The following SIM2 variants were observed in gnomAD, a reference collection of about 807,000 sequenced individuals.
SIM2 encodes the protein SIM bHLH transcription factor 2, also known as single-minded homolog 2.
In SIM2, 28 loss-of-function variants were observed where a neutral mutation model predicts 64.8. That is an observed-to-expected ratio of 0.43 (90% CI 0.32 to 0.59). The LOEUF is 0.59. Among genes scored for constraint, SIM2 ranks in the 20% least tolerant of loss-of-function variants. The pLI, the probability that SIM2 is intolerant of heterozygous loss-of-function variation, is 0.07. For synonymous variants in SIM2, 408 were observed against 391.1 expected (o/e 1.04, Z -0.51); for missense variants, 847 against 871.4 (o/e 0.97, Z 0.35).
At chr21:36,704,500 G>A (rs1246488599) in intron 1 of SIM2, among the ~76,000 whole-genome samples, 2 of 152,250 alleles carry the variant, frequency 1.3e-5, no homozygotes, top group Non-Finnish European at 2.9e-5. Flanking sequence ...AGTGGTAAAG[G>A]GGACACCCGG....
At chr21:36,708,226 C>T (rs940737341) in intron 1 of SIM2, among the ~76,000 whole-genome samples, 3 of 152,192 alleles carry the variant, frequency 2.0e-5, no homozygotes, top group Non-Finnish European at 1.5e-5. Context: ...TGTCCCAGCC[C>T]GCGCTAAGCG....
Position 36,743,495 on chromosome 21 carries a change from A to G in SIM2, c.1107A>G (p.Leu369=). 1 of 1,614,134 alleles carries G rather than the reference A, an allele frequency of 6.2e-7. No homozygotes were observed. The highest frequency in any genetic ancestry group is 1.3e-5 in the African/African-American group (1 of 75,066). ...ALSTSQETRK[L]VKPKNTKMKT... Reference sequence around the variant, plus strand: ...CTACCTCACAAGAAACTAGGAAATTAGTGAAACCCAAAAATACCAAGATGA... The same window carrying G: ...CTACCTCACAAGAAACTAGGAAATTGGTGAAACCCAAAAATACCAAGATGA... The change falls in exon 9 of 11, where the codon TTA becomes TTG. Residue 369 remains leucine (L), a synonymous_variant. Transcript: ENST00000290399.
intron 7 of SIM2, among the ~76,000 whole-genome samples, chr21:36,737,614 T>C (rs1055465802): frequency 1.3e-5 from 2 of 152,200 alleles, no homozygotes; most frequent in Non-Finnish European, 2.9e-5. Flanking sequence ...GTTGAGAATT[T>C]CACCCGGCTC....
At chr21:36,735,690 T>C (rs1052663673) in intron 7 of SIM2, among the ~76,000 whole-genome samples, 20 of 152,326 alleles carry the variant, frequency 1.3e-4, no homozygotes, top group African/African-American at 4.8e-4. Flanking sequence ...GATGGGGACT[T>C]GGGGACTGTC....
chr21:36,716,604 A>G (rs2088749892), intron 3 of SIM2, among the ~76,000 whole-genome samples: 2 of 152,194 alleles, frequency 1.3e-5, no homozygotes, highest in African/African-American at 4.8e-5. Flanking sequence ...AAAACACCCC[A>G]GAGTAACGTG....
At chr21:36,716,167 T>A (rs1018695863) in intron 3 of SIM2, among the ~76,000 whole-genome samples, 1 of 152,256 alleles carries the variant, frequency 6.6e-6, no homozygotes, top group East Asian at 1.9e-4. Flanking sequence ...CATGCGTGTT[T>A]ACTAAATGAT....
At chr21:36,724,511 T>C (rs1029574142) in intron 5 of SIM2, among the ~76,000 whole-genome samples, 21 of 152,210 alleles carry the variant, frequency 1.4e-4, no homozygotes, top group African/African-American at 4.8e-4. Context: ...GTCCCTAGCC[T>C]CAGTCAATCC....
intron 3 of SIM2, among the ~76,000 whole-genome samples, chr21:36,716,452 T>C (rs2088748019): frequency 6.6e-6 from 1 of 152,200 alleles, no homozygotes; most frequent in African/African-American, 2.4e-5. Context: ...AACATATCGA[T>C]GATGTTGTTT....
At chr21:36,724,435 C>T (rs1424778308) in intron 5 of SIM2, among the ~76,000 whole-genome samples, 1 of 152,252 alleles carries the variant, frequency 6.6e-6, no homozygotes, top group Non-Finnish European at 1.5e-5. Flanking sequence ...CACGCCACCA[C>T]ACCCAGCTAA....
chr21:36,740,030 A>AG (rs1491328937), intron 7 of SIM2, among the ~76,000 whole-genome samples: 1 of 136,490 alleles, frequency 7.3e-6, no homozygotes, highest in African/African-American at 2.6e-5. Context: ...AAAGAAAGAA[A>AG]GAAAGAAAGA....
chr21:36,743,664 C>T, intron 9 of SIM2, 109 bp downstream of exon 9: 1 of 1,109,052 alleles, frequency 9.0e-7, no homozygotes, highest in Non-Finnish European at 1.3e-6. Flanking sequence ...CAGGGATCTC[C>T]CTGCCGTGGA....
chr21:36,701,177 G>A (rs1405224821), intron 1 of SIM2: 1 of 152,630 alleles, frequency 6.6e-6, no homozygotes, highest in Non-Finnish European at 1.5e-5. Context: ...GGCCTCTGGA[G>A]CCCCGGGAGC....
At chr21:36,723,922 C>G (rs531406225) in intron 5 of SIM2, among the ~76,000 whole-genome samples, 1 of 152,222 alleles carries the variant, frequency 6.6e-6, no homozygotes, top group Non-Finnish European at 1.5e-5. Flanking sequence ...CTCTGGGCTC[C>G]TTACCCTCCT....
At position 36,738,235 on chromosome 21, in the gene SIM2, G is replaced by A. The variant is rs145093001; in HGVS notation, c.851-3482G>A. ...TTTGAAAGTAATAGCAGCCAGATGC[G>A]GTGGCTCACGCCTGTAATCCCAGAA... On this transcript the variant is annotated intron_variant, in intron 7 of 10. Coordinates refer to ENST00000290399, the MANE Select transcript of SIM2 (RefSeq NM_005069.6). 3.0e-3 allele frequency among the ~76,000 whole-genome samples: 462 copies of A among 152,146 alleles called. 4 individuals are homozygous for A. Among genetic ancestry groups the A allele is most frequent in the Non-Finnish European group, 3.6e-3 (248 of 67,988 alleles).
chr21:36,714,492 T>C (rs55893727), intron 3 of SIM2, among the ~76,000 whole-genome samples: 1,563 of 152,344 alleles, frequency 0.01, 35 homozygotes, highest in African/African-American at 0.035. Context: ...ATGCCTGCTC[T>C]ATCTGTCTTT....
At chr21:36,721,327 C>T (rs1396783254) in intron 4 of SIM2, among the ~76,000 whole-genome samples, 1 of 152,174 alleles carries the variant, frequency 6.6e-6, no homozygotes. Context: ...GCACCTGAAT[C>T]GAATTCTTTC....
intron 1 of SIM2, among the ~76,000 whole-genome samples, chr21:36,702,447 G>C (rs1054096960): frequency 6.6e-6 from 1 of 152,232 alleles, no homozygotes; most frequent in Non-Finnish European, 1.5e-5. Flanking sequence ...CCTGGAGCCG[G>C]TGGACTCATA....
In SIM2 at chr21:36,745,934, C is replaced by A; in HGVS notation, c.1576+798C>A. ...CTGCAGGACATGTATTCCCATTGCA[C>A]CGAGACCTAACTGCCGCTCAGAGTG... On this transcript the variant is annotated intron_variant, in intron 10 of 10. Transcript: ENST00000290399. The surrounding 1 kb of genome is among the most constrained non-coding windows in gnomAD (Gnocchi z 4.8). 1 of 1,260,406 alleles carries A rather than the reference C, an allele frequency of 7.9e-7. No individual in the cohort carries two copies. Among genetic ancestry groups the A allele is most frequent in the South Asian group, 1.3e-5 (1 of 77,668 alleles). 78.1% of individuals were successfully genotyped at this position (1,260,406 alleles called of 1,614,324 possible). A position where few individuals can be genotyped will look rare whatever the true frequency, so the allele number is the denominator to read the frequency against.
intron 3 of SIM2, among the ~76,000 whole-genome samples, chr21:36,716,459 G>A (rs1352586427): frequency 6.6e-6 from 1 of 152,174 alleles, no homozygotes; most frequent in East Asian, 1.9e-4. Flanking sequence ...CGATGATGTT[G>A]TTTGGAGGTA....
Sources: gnomAD v4.1 joint callset for allele counts (sites outside exome capture counted in the v4.1 genomes callset) on GRCh38, gnomAD v4.1.1 for gene constraint, Gnocchi (gnomAD v3.1) non-coding constraint, MANE v1.5 for transcripts, NCBI Gene and HGNC (gene_info 2026-07-23, HGNC 2026-07-21) for gene names.